The following PDE4B variants were observed in gnomAD, a reference collection of about 807,000 sequenced individuals.
PDE4B encodes 3',5'-cyclic-AMP phosphodiesterase 4B.
Under a neutral mutation model 82.2 loss-of-function variants are expected in PDE4B, and 20 were observed. The ratio of observed to expected loss-of-function variants is 0.24; its 90% confidence interval spans 0.17 to 0.35. The LOEUF is 0.35. PDE4B is among the 10% of genes least tolerant of loss of function. The pLI is 1.00. For synonymous variants in PDE4B, 320 were observed against 318.9 expected, an observed-to-expected ratio of 1.00 and a Z score of -0.04; for missense variants, 655 against 907.2, an observed-to-expected ratio of 0.72 and a Z score of 3.57.
chr1:65,954,458 A>AT (rs1464988170), intron 3 of PDE4B, among the ~76,000 whole-genome samples: 1 of 152,092 alleles, frequency 6.6e-6, no homozygotes, highest in African/African-American at 2.4e-5. Flanking sequence ...ATTAAGTTAT[A>AT]TATCACGTTC....
intron 8 of PDE4B, among the ~76,000 whole-genome samples, chr1:66,351,709 G>A (rs1661829882): frequency 6.6e-6 from 1 of 152,172 alleles, no homozygotes; most frequent in Non-Finnish European, 1.5e-5. Flanking sequence ...GAGAGGTGAT[G>A]TAACTACACA....
intron 3 of PDE4B, among the ~76,000 whole-genome samples, chr1:66,039,424 A>T (rs945098322): frequency 2.4e-4 from 36 of 152,102 alleles, no homozygotes; most frequent in Admixed American, 2.0e-3. Context: ...TAACTGGTTT[A>T]TCTAACAGTA....
chr1:65,954,820 A>C (rs1004322541), intron 3 of PDE4B, among the ~76,000 whole-genome samples: 3 of 152,012 alleles, frequency 2.0e-5, no homozygotes, highest in Non-Finnish European at 2.9e-5. Flanking sequence ...AATATTTTCT[A>C]TTTCCTTTTT....
At chr1:66,342,592 C>T (rs542754641) in intron 8 of PDE4B, among the ~76,000 whole-genome samples, 3 of 149,934 alleles carry the variant, frequency 2.0e-5, no homozygotes, top group African/African-American at 7.3e-5. Flanking sequence ...ATTAGCTGGG[C>T]ATGGTGGCAC....
At chr1:65,856,035 C>T (rs1223956809) in intron 1 of PDE4B, among the ~76,000 whole-genome samples, 1 of 151,896 alleles carries the variant, frequency 6.6e-6, no homozygotes, top group East Asian at 1.9e-4. Context: ...CAGAAGTCTC[C>T]CAATTTATTA....
At chr1:66,246,431 C>T (rs574888822) in intron 3 of PDE4B, among the ~76,000 whole-genome samples, 1 of 152,284 alleles carries the variant, frequency 6.6e-6, no homozygotes, top group East Asian at 1.9e-4. Flanking sequence ...AAAAAAGGAG[C>T]ATCCTCAGCC....
At chr1:65,958,764 GCA>G (rs542680325) in intron 3 of PDE4B, among the ~76,000 whole-genome samples, 2 of 150,922 alleles carry the variant, frequency 1.3e-5, no homozygotes, top group Admixed American at 6.6e-5. Context: ...GCGCGCGCGC[GCA>G]CACACATACA....
intron 10 of PDE4B, among the ~76,000 whole-genome samples, 187 bp from the exon 11 acceptor site, chr1:66,362,981 G>A (rs555082422): frequency 6.6e-6 from 1 of 152,138 alleles, no homozygotes; most frequent in Non-Finnish European, 1.5e-5. Context: ...TCAGAAACTT[G>A]TAGCTATCAT....
At chr1:65,968,567 A>G (rs772909652) in intron 3 of PDE4B, among the ~76,000 whole-genome samples, 12 of 152,062 alleles carry the variant, frequency 7.9e-5, no homozygotes, top group Non-Finnish European at 1.6e-4. Context: ...TATTGGGAGA[A>G]TTGCTTGTCA....
intron 8 of PDE4B, among the ~76,000 whole-genome samples, chr1:66,349,464 T>C (rs189651783): frequency 2.0e-5 from 3 of 152,320 alleles, no homozygotes; most frequent in Admixed American, 6.5e-5. Flanking sequence ...TCACTGTGTT[T>C]GTTCCCTGGC....
In PDE4B at chr1:66,058,810, A is replaced by T. The variant is rs1186344502; in HGVS notation, c.281+139975A>T. 2.0e-5 allele frequency among the ~76,000 whole-genome samples: 3 copies of T among 152,138 alleles called. No homozygotes were observed. In the East Asian group the frequency reaches 5.8e-4, roughly 29 times the overall value. On this transcript the variant is annotated intron_variant, in intron 3 of 16. Coordinates refer to ENST00000341517, the MANE Select transcript of PDE4B (RefSeq NM_002600.4). ...CCTAGACCTCCAGTAAAGGAAGGGG[A>T]GGGGCTGCCATGAAGATCTTTGAAA...
intron 1 of PDE4B, among the ~76,000 whole-genome samples, chr1:65,814,139 C>T (rs1451940465): frequency 6.6e-6 from 1 of 152,184 alleles, no homozygotes. Context: ...GAATTGACTA[C>T]AGCACATTGC....
intron 1 of PDE4B, among the ~76,000 whole-genome samples, chr1:65,885,573 A>G (rs1646764005): frequency 1.3e-5 from 2 of 152,112 alleles, no homozygotes; most frequent in Admixed American, 6.6e-5. Flanking sequence ...GACATGGATG[A>G]AGCCGGAAAC....
At chr1:66,116,996 A>C (rs1020079931) in intron 3 of PDE4B, among the ~76,000 whole-genome samples, 1 of 152,150 alleles carries the variant, frequency 6.6e-6, no homozygotes, top group Non-Finnish European at 1.5e-5. Flanking sequence ...TTGGTCTTCC[A>C]AAGTGCCGGT....
chr1:66,204,287 G>A (rs996258056), intron 3 of PDE4B, among the ~76,000 whole-genome samples: 4 of 152,334 alleles, frequency 2.6e-5, no homozygotes, highest in South Asian at 2.1e-4. Flanking sequence ...TAGGCTGCTC[G>A]GGGGTCAGGG....
chr1:65,880,292 C>A (rs894119306), intron 1 of PDE4B, among the ~76,000 whole-genome samples: 4 of 152,158 alleles, frequency 2.6e-5, no homozygotes, highest in Non-Finnish European at 4.4e-5. Context: ...GAGTAGGTGG[C>A]CATCAATGTA....
At chr1:66,070,642 A>G (rs955261256) in intron 3 of PDE4B, among the ~76,000 whole-genome samples, 14 of 152,046 alleles carry the variant, frequency 9.2e-5, no homozygotes, top group Non-Finnish European at 2.1e-4. Context: ...ACCATAAAAT[A>G]TCGACCAACA....
At chr1:65,891,405 G>A (rs1646851551) in intron 1 of PDE4B, among the ~76,000 whole-genome samples, 1 of 151,926 alleles carries the variant, frequency 6.6e-6, no homozygotes, top group South Asian at 2.1e-4. Context: ...TCTTTCTTTG[G>A]TAGTTCAACT....
chr1:65,872,124 A>G, intron 1 of PDE4B, among the ~76,000 whole-genome samples: 1 of 152,158 alleles, frequency 6.6e-6, no homozygotes, highest in East Asian at 1.9e-4. Context: ...GGGCTTATCA[A>G]ACTCACAGGT....
Sources: allele counts gnomAD v4.1 joint callset (sites outside exome capture counted in the v4.1 genomes callset), GRCh38; gene constraint gnomAD v4.1.1; transcripts MANE v1.5; gene names NCBI Gene and HGNC (gene_info 2026-07-23, HGNC 2026-07-21).